Variants in ZNF569 observed in about 807,000 individuals in gnomAD.
ZNF569 encodes the protein zinc finger protein 569.
A neutral mutation model predicts 56.3 loss-of-function variants in ZNF569; 38 were observed. The observed-to-expected ratio is 0.68, with a 90% CI of 0.52 to 0.88. ZNF569 has a LOEUF of 0.88. Among genes scored for constraint, ZNF569 ranks in the 40% least tolerant of loss-of-function variants. The pLI is 0.00. For missense variants in ZNF569, 666 were observed against 809.2 expected (o/e 0.82, Z 2.15); for synonymous variants, 241 against 262.9 (o/e 0.92, Z 0.81).
intron 3 of ZNF569, among the ~76,000 whole-genome samples, chr19:37,430,166 G>A (rs2041201473): frequency 6.7e-6 from 1 of 150,100 alleles, no homozygotes; most frequent in African/African-American, 2.5e-5. Context: ...CTGCACTCCA[G>A]CCTGGGTGAC....
At chr19:37,443,094 C>T (rs2041433952) in intron 3 of ZNF569, among the ~76,000 whole-genome samples, 2 of 152,234 alleles carry the variant, frequency 1.3e-5, no homozygotes, top group African/African-American at 4.8e-5. Context: ...AGGCTCACGC[C>T]TGTAATCCCA....
intron 5 of ZNF569, among the ~76,000 whole-genome samples, chr19:37,422,200 G>A (rs1164397721): frequency 6.6e-6 from 1 of 152,136 alleles, no homozygotes; most frequent in Non-Finnish European, 1.5e-5. Context: ...AGAGATGTGC[G>A]ACTCTTCCTT....
intron 2 of ZNF569, among the ~76,000 whole-genome samples, chr19:37,461,313 CTTT>C (rs200197328): frequency 2.4e-4 from 33 of 136,978 alleles, no homozygotes; most frequent in Admixed American, 5.9e-4. Context: ...AAAATATCCT[CTTT>C]TTTTTTTTTT....
chr19:37,413,632 A>T lies in ZNF569; in HGVS notation c.1026T>A (p.Ala342=). 6.2e-7 allele frequency: 1 copy of T among 1,614,012 alleles called. No individual in the cohort carries two copies. The highest frequency in any genetic ancestry group is 1.7e-5 in the Admixed American group (1 of 60,012). The change falls in exon 6 of 6, where the codon GCT becomes GCA. Residue 342 remains alanine (A), a synonymous_variant. Transcript: ENST00000316950. ...GKAFPRIASL[A]LHMRSHTGEK... is the part of the protein sequence containing the mutation. ...CTCCTGTATGACTTCTCATATGAAG[A>T]GCAAGGGATGCAATTCGAGGGAAGG...
intron 2 of ZNF569, chr19:37,455,051 GTTC>G (rs537240515): frequency 4.3e-4 from 228 of 534,754 alleles, no homozygotes; most frequent in African/African-American, 3.7e-3. Flanking sequence ...TTGAAGCAAA[GTTC>G]TTTCCAGCTG....
chr19:37,413,586 T>G lies in ZNF569; in HGVS notation c.1072A>C (p.Lys358Gln). 1.2e-6 allele frequency: 2 copies of G among 1,613,558 alleles called. No homozygotes were observed. The highest frequency in any genetic ancestry group is 1.7e-6 in the Non-Finnish European group (2 of 1,179,832). ...HTGEKPYKCD[K>Q]CGKAFSQFSM... Reference sequence around the variant, plus strand: ...AACTGAGAGAAGGCTTTACCACATTTATCACATTTATAAGGTTTTTCTCCT... The same window carrying G: ...AACTGAGAGAAGGCTTTACCACATTGATCACATTTATAAGGTTTTTCTCCT... Residue 358 changes from lysine to glutamine, a missense_variant, in exon 6 of 6, where the codon AAA becomes CAA. Coordinates refer to ENST00000316950, the MANE Select transcript of ZNF569 (RefSeq NM_152484.3).
chr19:37,460,535 TAA>T (rs531574561), intron 2 of ZNF569, among the ~76,000 whole-genome samples: 2 of 141,942 alleles, frequency 1.4e-5, no homozygotes, highest in Admixed American at 7.0e-5. Context: ...AGAGTGCATT[TAA>T]AAAAAAAAAA....
At chr19:37,456,734 T>C (rs528758780) in intron 2 of ZNF569, among the ~76,000 whole-genome samples, 13 of 152,188 alleles carry the variant, frequency 8.5e-5, no homozygotes, top group African/African-American at 2.9e-4. Context: ...TTTGGGAGGC[T>C]GAGGTGGGCG....
chr19:37,441,534 C>T (rs1190528439), intron 3 of ZNF569, among the ~76,000 whole-genome samples: 4 of 152,126 alleles, frequency 2.6e-5, no homozygotes, highest in South Asian at 2.1e-4. Context: ...GGGGCACGTG[C>T]CTGTACTCCC....
intron 3 of ZNF569, among the ~76,000 whole-genome samples, chr19:37,436,200 T>G (rs1349912460): frequency 6.6e-6 from 1 of 152,064 alleles, no homozygotes; most frequent in East Asian, 1.9e-4. Flanking sequence ...TTGGAAACTA[T>G]ACAAACACAG....
chr19:37,449,625 T>C (rs2041559144), intron 2 of ZNF569, among the ~76,000 whole-genome samples: 1 of 152,072 alleles, frequency 6.6e-6, no homozygotes, highest in Admixed American at 6.5e-5. Context: ...CTAAACTTTG[T>C]CTAATATTAA....
intron 2 of ZNF569, among the ~76,000 whole-genome samples, chr19:37,460,309 A>G (rs769101740): frequency 2.6e-5 from 4 of 152,018 alleles, no homozygotes; most frequent in Non-Finnish European, 5.9e-5. Flanking sequence ...TGCCTGGCTA[A>G]TTTTTGTATT....
At chr19:37,445,913 C>G (rs755219750) in intron 2 of ZNF569, among the ~76,000 whole-genome samples, 3 of 149,182 alleles carry the variant, frequency 2.0e-5, no homozygotes, top group Non-Finnish European at 4.5e-5. Flanking sequence ...CATCAAGGTA[C>G]CACCATCATT....
At position 37,413,778 on chromosome 19, in the gene ZNF569, C is replaced by G; in HGVS notation, c.880G>C (p.Gly294Arg). 1.2e-6 allele frequency: 2 copies of G among 1,613,536 alleles called. No homozygotes were observed. The highest frequency in any genetic ancestry group is 1.7e-6 in the Non-Finnish European group (2 of 1,179,920). Residue 294 changes from glycine to arginine, a missense_variant, in exon 6 of 6, where the codon GGA (glycine) becomes CGA (arginine). By Grantham distance (125) the Gly-to-Arg change is moderately radical. Transcript: ENST00000316950. ...TCATTACATTCATAAGGTTTCTCTC[C>G]AGTATGAATTTTTTCATGATCAATA... Reference protein sequence around the residue: ...NLIDHEKIHTGEKPYECNECG... With the variant: ...NLIDHEKIHTREKPYECNECG...
At chr19:37,468,547 G>C (rs1301575086), upstream of ZNF569, among the ~76,000 whole-genome samples, 2 of 152,218 alleles carry the variant, frequency 1.3e-5, no homozygotes, top group African/African-American at 2.4e-5. Flanking sequence ...TCAGGCTGGA[G>C]TGCAGTGGCG....
chr19:37,420,785 C>A (rs1269475016), intron 5 of ZNF569, among the ~76,000 whole-genome samples: 1 of 152,186 alleles, frequency 6.6e-6, no homozygotes, highest in African/African-American at 2.4e-5. Context: ...AAACATAAAT[C>A]CTTTCCAGCC....
At chr19:37,451,856 A>G (rs1490283192) in intron 2 of ZNF569, among the ~76,000 whole-genome samples, 1 of 152,144 alleles carries the variant, frequency 6.6e-6, no homozygotes, top group Non-Finnish European at 1.5e-5. Context: ...TAGACAGCAT[A>G]TAGTTGGGTC....
chr19:37,437,404 T>C (rs536342310), intron 3 of ZNF569, among the ~76,000 whole-genome samples: 1 of 152,250 alleles, frequency 6.6e-6, no homozygotes, highest in South Asian at 2.1e-4. Context: ...AGAAAGCCTT[T>C]CCTTTAAGAT....
At chr19:37,421,130 T>C (rs576637405) in intron 5 of ZNF569, among the ~76,000 whole-genome samples, 109 of 152,226 alleles carry the variant, frequency 7.2e-4, no homozygotes, top group Non-Finnish European at 1.4e-3. Context: ...TGTGCTGTCG[T>C]CCAGGCTTTG....
Sources: allele counts gnomAD v4.1 joint callset (sites outside exome capture counted in the v4.1 genomes callset), GRCh38; gene constraint gnomAD v4.1.1; transcripts MANE v1.5; gene names NCBI Gene and HGNC (gene_info 2026-07-23, HGNC 2026-07-21).